The following MYLK2 variants were observed in gnomAD, a reference collection of about 807,000 sequenced individuals.
MYLK2 encodes myosin light chain kinase 2, also known as myosin light chain kinase 2, skeletal/cardiac muscle.
A neutral mutation model predicts 58.2 loss-of-function variants in MYLK2; 27 were observed. That is an observed-to-expected ratio of 0.46 (90% CI 0.34 to 0.64). The LOEUF is 0.64. MYLK2 is among the 30% of genes least tolerant of loss of function. MYLK2 has a pLI of 0.01. For missense variants in MYLK2, 676 were observed against 764.3 expected, an observed-to-expected ratio of 0.88 and a Z score of 1.36; for synonymous variants, 310 against 296.7, an observed-to-expected ratio of 1.04 and a Z score of -0.46.
rs1442353718 is a variant in MYLK2, at chr20:31,823,502, C to T, written c.798C>T (p.Pro266=). The T allele has an allele frequency of 3.1e-6, 5 of 1,613,490 alleles. No homozygotes were observed. Among genetic ancestry groups the T allele is most frequent in the Non-Finnish European group, 4.2e-6 (5 of 1,180,038 alleles). ...ATGATTGCCCGCCACCTCCGGCCCC[C>T]TTCCCTCACCGCATGGTGGAGCTGA... The part of the protein sequence containing the change: ...ILDDCPPPPA[P]FPHRMVELRT... Residue 266 remains proline (P), a synonymous_variant, in exon 5 of 13, where the codon CCC becomes CCT. Coordinates refer to ENST00000375985, the MANE Select transcript of MYLK2 (RefSeq NM_033118.4).
chr20:31,823,288 G>T (rs137965521), intron 4 of MYLK2, among the ~76,000 whole-genome samples, 189 bp from the exon 5 acceptor site: 132 of 152,372 alleles, frequency 8.7e-4, no homozygotes, highest in African/African-American at 2.9e-3. Flanking sequence ...TAGGAGTGTT[G>T]TGTTGGTGGC....
chr20:31,827,507 A>C, intron 8 of MYLK2: 3 of 985,370 alleles, frequency 3.0e-6, no homozygotes, highest in Non-Finnish European at 3.6e-6. Context: ...TGTTTCGTGA[A>C]AGAATATTGA....
intron 2 of MYLK2, 70 bp downstream of exon 2, chr20:31,819,702 GTTC>G: frequency 2.0e-6 from 3 of 1,519,680 alleles, no homozygotes; most frequent in Non-Finnish European, 2.7e-6. Context: ...GACTGGGCAG[GTTC>G]CTCAGTGGGA....
In MYLK2 at chr20:31,824,251, C is replaced by CT; in HGVS notation, c.879-5dup. 6.2e-7 allele frequency: 1 copy of CT among 1,612,822 alleles called. No individual in the cohort carries two copies. Among genetic ancestry groups the CT allele is most frequent in the Non-Finnish European group, 8.5e-7 (1 of 1,179,448 alleles). ...GGTCCCCTCACTTACAGCCTCTTCT[C>CT]TTTCCAGTGGCAAGTTTGGGGCAGT... On this transcript the variant is annotated splice_region_variant and splice_polypyrimidine_tract_variant and intron_variant, in intron 5 of 12. Coordinates refer to ENST00000375985, the MANE Select transcript of MYLK2 (RefSeq NM_033118.4).
chr20:31,824,990 C>T (rs56289830), intron 6 of MYLK2, among the ~76,000 whole-genome samples: 230 of 152,212 alleles, frequency 1.5e-3, no homozygotes, highest in Non-Finnish European at 2.8e-3. Context: ...GCCTTTTGAG[C>T]GAGGGCTTTG....
intron 10 of MYLK2, among the ~76,000 whole-genome samples, chr20:31,831,372 T>A (rs780355211): frequency 6.6e-6 from 1 of 151,952 alleles, no homozygotes; most frequent in Non-Finnish European, 1.5e-5. Flanking sequence ...GGACAGCAGA[T>A]CTCGGATGAC....
rs764465707 is a variant in MYLK2 at position 31,824,307 on chromosome 20, C to T, written c.927C>T (p.Leu309=). ...VCTCMEKATG[L]KLAAKVIKKQ... ...CCTGCATGGAGAAAGCCACAGGCCT[C>T]AAGCTGGCAGCCAAGGTCATCAAGA... The change falls in exon 6 of 13, where the codon CTC becomes CTT. Residue 309 remains leucine, a synonymous_variant. Coordinates refer to ENST00000375985, the MANE Select transcript of MYLK2 (RefSeq NM_033118.4). 6.5e-5 allele frequency: 105 copies of T among 1,613,568 alleles called. No individual in the cohort carries two copies. The highest frequency in any genetic ancestry group is 8.6e-5 in the Non-Finnish European group (102 of 1,179,832).
chr20:31,824,094 A>G, intron 5 of MYLK2, 165 bp from the exon 6 acceptor site: 1 of 985,446 alleles, frequency 1.0e-6, no homozygotes, highest in Non-Finnish European at 1.2e-6. Context: ...AACAGCTCAC[A>G]GCTTCAGGAG....
Position 31,821,492 on chromosome 20 carries a change from T to C in MYLK2, c.527T>C (p.Phe176Ser). The C allele has an allele frequency of 1.9e-6, 3 of 1,613,958 alleles. No homozygotes were observed. Among genetic ancestry groups the C allele is most frequent in the Non-Finnish European group, 2.5e-6 (3 of 1,180,040 alleles). ...KPPSEASELT[F>S]EGVPMTHSPT... ...CCAAGCGAGGCATCAGAGCTCACCT[T>C]TGAAGGGGTGCCCATGACCCACAGC... Residue 176 changes from phenylalanine (F) to serine (S), a missense_variant, in exon 4 of 13, where the codon TTT (phenylalanine) becomes TCT (serine). Physicochemically the swap from Phe to Ser is radical, Grantham distance 155. Coordinates refer to ENST00000375985, the MANE Select transcript of MYLK2 (RefSeq NM_033118.4).
At chr20:31,821,381 G>T in intron 3 of MYLK2, 58 bp from the exon 4 acceptor site, 2 of 1,606,698 alleles carry the variant, frequency 1.2e-6, no homozygotes, top group Non-Finnish European at 8.5e-7. Context: ...ATTGAGACTT[G>T]CCTGATGCCA....
chr20:31,825,153 C>T (rs912838058), intron 6 of MYLK2, among the ~76,000 whole-genome samples: 1 of 152,230 alleles, frequency 6.6e-6, no homozygotes, highest in Non-Finnish European at 1.5e-5. Context: ...AGGCCCGACC[C>T]CAGTGAAAGC....
At position 31,823,570 on chromosome 20, in the gene MYLK2, A is replaced by C. The variant is rs2062262635; in HGVS notation, c.866A>C (p.Glu289Ala). The C allele has an allele frequency of 3.7e-6, 6 of 1,613,760 alleles. No individual in the cohort carries two copies. The highest frequency in any genetic ancestry group is 5.1e-6 in the Non-Finnish European group (6 of 1,179,990). Residue 289 changes from glutamate (E) to alanine (A), a missense_variant, in exon 5 of 13, where the codon GAG becomes GCG. Physicochemically the swap from Glu to Ala is moderately radical, Grantham distance 107. Transcript: ENST00000375985. ...AGTGAATTCAGTATGAACTCCAAGG[A>C]GGCGCTCGGAGGGTGAGATCTGGGA... The part of the protein sequence containing the change: ...VSSEFSMNSK[E>A]ALGGGKFGAV...
Position 31,823,858 on chromosome 20 carries a change from C to G in MYLK2, c.878+276C>G, listed in dbSNP as rs1246842934. 2.0e-5 allele frequency: 16 copies of G among 798,286 alleles called. No homozygotes were observed. In the African/African-American group the frequency reaches 3.0e-4, roughly 15 times the overall value. The allele number at this position is 798,286 out of a possible 1,614,324, so 49.5% of individuals were successfully genotyped here. On this transcript the variant is annotated intron_variant, in intron 5 of 12. Coordinates refer to ENST00000375985, the MANE Select transcript of MYLK2 (RefSeq NM_033118.4). ...CTGTCTGTCTCAGCTCCAGGCACCA[C>G]ACTGACCCCCTCATGGTGATTCCTG...
At position 31,824,319 on chromosome 20, in the gene MYLK2, C is replaced by A; in HGVS notation, c.939C>A (p.Ala313=). 6.2e-7 allele frequency: 1 copy of A among 1,613,256 alleles called. No individual in the cohort carries two copies. The highest frequency in any genetic ancestry group is 8.5e-7 in the Non-Finnish European group (1 of 1,179,596). ...AAGCCACAGGCCTCAAGCTGGCAGC[C>A]AAGGTCATCAAGAAACAGACTCCCA... is the stretch of plus-strand genomic sequence containing the variant. The part of the protein sequence containing the change: ...MEKATGLKLA[A]KVIKKQTPKD... Residue 313 remains alanine (A), a synonymous_variant, in exon 6 of 13, where the codon GCC becomes GCA. Transcript: ENST00000375985.
At chr20:31,826,560 G>A (rs764676980) in intron 6 of MYLK2, 45 bp from the exon 7 acceptor site, 55 of 1,612,624 alleles carry the variant, frequency 3.4e-5, no homozygotes, top group Non-Finnish European at 4.5e-5. Context: ...GGGTGGCAGG[G>A]AGTGATGGTG....
At chr20:31,833,608 C>A in intron 12 of MYLK2, 109 bp from the exon 13 acceptor site, 1 of 1,010,004 alleles carries the variant, frequency 9.9e-7, no homozygotes, top group South Asian at 1.3e-5. Flanking sequence ...TGCACCTTCT[C>A]TAGCCTGTGA....
intron 6 of MYLK2, among the ~76,000 whole-genome samples, chr20:31,825,584 G>C (rs1241596387): frequency 6.6e-6 from 1 of 152,170 alleles, no homozygotes; most frequent in Non-Finnish European, 1.5e-5. Flanking sequence ...AGAAGTGCTA[G>C]GAGGGAAAAT....
intron 6 of MYLK2, among the ~76,000 whole-genome samples, chr20:31,826,085 G>A (rs534582691): frequency 1.8e-4 from 27 of 152,248 alleles, no homozygotes; most frequent in African/African-American, 3.1e-4. Flanking sequence ...TGGGTGAAGC[G>A]TGGGGGTACT....
At chr20:31,821,785 A>T in intron 4 of MYLK2, 48 bp downstream of exon 4, 6 of 1,503,784 alleles carry the variant, frequency 4.0e-6, no homozygotes, top group Non-Finnish European at 5.4e-6. Context: ...GGCCAGGGGG[A>T]GGGAAGGGGG....
Sources: allele counts gnomAD v4.1 joint callset (sites outside exome capture counted in the v4.1 genomes callset), GRCh38; gene constraint gnomAD v4.1.1; transcripts MANE v1.5; gene names NCBI Gene and HGNC (gene_info 2026-07-23, HGNC 2026-07-21).